The following ZDHHC21 variants were observed in gnomAD, a reference collection of about 807,000 sequenced individuals.
The protein encoded by ZDHHC21 is zDHHC palmitoyltransferase 21.
In ZDHHC21, 15 loss-of-function variants were observed where a neutral mutation model predicts 34.6. The ratio of observed to expected loss-of-function variants is 0.43; its 90% CI spans 0.29 to 0.67. ZDHHC21 has a LOEUF of 0.67. Among genes scored for constraint, ZDHHC21 ranks in the 30% least tolerant of loss-of-function variants. The pLI is 0.14. For synonymous variants in ZDHHC21, 142 were observed against 101.8 expected (o/e 1.40, Z -2.38); for missense variants, 344 against 327.7 (o/e 1.05, Z -0.38).
intron 8 of ZDHHC21, 26 bp from the exon 9 acceptor site, chr9:14,619,708 A>G (rs1227955211): frequency 1.6e-6 from 2 of 1,238,648 alleles, no homozygotes; most frequent in Admixed American, 4.9e-5. Flanking sequence ...AATTATATTC[A>G]GATGTAAGAA....
chr9:14,588,977 C>G, the ZDHHC21 span: 4 of 152,054 alleles, frequency 2.6e-5, no homozygotes, highest in East Asian at 7.7e-4. Flanking sequence ...CAAATTTATC[C>G]TATAGTAGTC....
At chr9:14,594,237 T>A in the ZDHHC21 span, 1 of 152,054 alleles carries the variant, frequency 6.6e-6, no homozygotes, top group East Asian at 1.9e-4. Flanking sequence ...CTAAAATTCA[T>A]ATGAAAATAC....
chr9:14,674,320 A>C lies in ZDHHC21; in HGVS notation c.21T>G (p.Phe7Leu), dbSNP rs770340809. Residue 7 changes from phenylalanine to leucine, a missense_variant, in exon 4 of 10, where the codon TTT (phenylalanine) becomes TTG (leucine). Coordinates refer to ENST00000380916, the MANE Select transcript of ZDHHC21 (RefSeq NM_178566.6). The stretch of plus-strand genomic sequence containing the variant: ...AGCACCAACCATGTGGGTCAACAAC[A>C]AAGTGAATCCGGAGACCCATTTTGC... MGLRIH[F>L]VVDPHGWCCM... The C allele has an allele frequency of 2.4e-5, 38 of 1,595,542 alleles. No individual in the cohort carries two copies. The highest frequency in any genetic ancestry group is 3.1e-5 in the Non-Finnish European group (36 of 1,172,942).
chr9:14,594,850 A>C, the ZDHHC21 span, among the ~76,000 whole-genome samples: 3 of 152,326 alleles, frequency 2.0e-5, no homozygotes, highest in East Asian at 5.8e-4. Context: ...ACAATTTAAT[A>C]AGTGGGCAAA....
chr9:14,628,060 A>G (rs1368102657), intron 8 of ZDHHC21, among the ~76,000 whole-genome samples: 16 of 152,214 alleles, frequency 1.1e-4, no homozygotes, highest in Admixed American at 1.0e-3. Context: ...ATTGTAGTAA[A>G]AACGCACAAA....
In ZDHHC21 at chr9:14,615,460, A is replaced by T. The variant is rs1422229400; in HGVS notation, c.*3506T>A. On this transcript the variant is annotated 3_prime_UTR_variant, in exon 10 of 10. Transcript: ENST00000380916. The stretch of plus-strand genomic sequence containing the variant: ...AAATAAACCATGCTTTTTTTCTGAA[A>T]AAGTTAATATGTTAACTACAATTTA... 6.6e-6 allele frequency: 1 copy of T among 151,762 alleles called. No homozygotes were observed. Among genetic ancestry groups the T allele is most frequent in the Admixed American group, 6.6e-5 (1 of 15,188 alleles). The allele number at this position is 151,762 out of a possible 1,614,324, so 9.4% of individuals were successfully genotyped here.
intron 7 of ZDHHC21, among the ~76,000 whole-genome samples, chr9:14,645,473 A>C (rs1187155832): frequency 6.6e-6 from 1 of 152,156 alleles, no homozygotes; most frequent in South Asian, 2.1e-4. Context: ...AGAAATGGGA[A>C]AGACAGAAAA....
intron 7 of ZDHHC21, among the ~76,000 whole-genome samples, chr9:14,656,922 TA>T (rs1489893672): frequency 6.6e-6 from 1 of 152,054 alleles, no homozygotes; most frequent in Non-Finnish European, 1.5e-5. Flanking sequence ...TTCTTCCTGA[TA>T]TTTTTAATCT....
At chr9:14,598,338 C>G in the ZDHHC21 span, among the ~76,000 whole-genome samples, 2 of 152,174 alleles carry the variant, frequency 1.3e-5, no homozygotes, top group African/African-American at 4.8e-5. Context: ...ACAGACACTA[C>G]TGATGCTGAT....
the ZDHHC21 span, among the ~76,000 whole-genome samples, chr9:14,603,922 TAAGAA>T: frequency 6.6e-6 from 1 of 152,308 alleles, no homozygotes; most frequent in African/African-American, 2.4e-5. Context: ...TGATTTGCCT[TAAGAA>T]AATATATCCT....
Position 14,618,004 on chromosome 9 carries a change from A to G in ZDHHC21, c.*962T>C, listed in dbSNP as rs1181795710. On this transcript the variant is annotated 3_prime_UTR_variant, in exon 10 of 10. Coordinates refer to ENST00000380916, the MANE Select transcript of ZDHHC21 (RefSeq NM_178566.6). ...CATCTACTAGTACATAAATAAAAGT[A>G]AAAAGTATACTCTTTTCAAAAGCAC... 6.6e-6 allele frequency: 1 copy of G among 152,472 alleles called. No homozygotes were observed. Among genetic ancestry groups the G allele is most frequent in the Non-Finnish European group, 1.5e-5 (1 of 67,968 alleles). The allele number at this position is 152,472 out of a possible 1,614,324, so 9.4% of individuals were successfully genotyped here. A position where few individuals can be genotyped will look rare whatever the true frequency, so the allele number is the denominator to read the frequency against.
chr9:14,665,320 C>T (rs537800301), intron 5 of ZDHHC21, among the ~76,000 whole-genome samples: 1 of 138,078 alleles, frequency 7.2e-6, no homozygotes, highest in Non-Finnish European at 1.6e-5. Context: ...AAGAAATGAG[C>T]AAAGCCTCCA....
intron 3 of ZDHHC21, among the ~76,000 whole-genome samples, chr9:14,676,720 T>C (rs967423085): frequency 9.9e-5 from 15 of 151,982 alleles, no homozygotes; most frequent in African/African-American, 3.1e-4. Context: ...AAGCATGCTA[T>C]TTAATTTGCT....
the ZDHHC21 span, among the ~76,000 whole-genome samples, chr9:14,600,193 A>C: frequency 7.2e-4 from 109 of 152,306 alleles, 1 homozygote; most frequent in African/African-American, 2.3e-3. Flanking sequence ...GGGTATTCAA[A>C]TAGGAAGAGA....
chr9:14,681,730 GGTGT>G lies in ZDHHC21; in HGVS notation c.-175-1572_-175-1569del, dbSNP rs34935934. 3.1e-3 allele frequency among the ~76,000 whole-genome samples: 466 copies of G among 148,498 alleles called. 8 individuals carry two copies. The South Asian group carries it at 0.035, about 11-fold the overall frequency. Reference sequence around the variant, plus strand: ...AAAAATGGTAACTTATAAGGGGAATGGTGTGTGTGTGTGTGTGTGTGTGTGTGTA... The same window carrying G: ...AAAAATGGTAACTTATAAGGGGAATGGTGTGTGTGTGTGTGTGTGTGTGTA... On this transcript the variant is annotated intron_variant, in intron 2 of 9. Transcript: ENST00000380916.
chr9:14,620,695 G>A (rs1222170603), intron 8 of ZDHHC21, among the ~76,000 whole-genome samples: 1 of 151,972 alleles, frequency 6.6e-6, no homozygotes, highest in Non-Finnish European at 1.5e-5. Flanking sequence ...CTTTAGAGAT[G>A]TTAATAGCTC....
At chr9:14,648,718 C>G (rs1188016327) in intron 7 of ZDHHC21, among the ~76,000 whole-genome samples, 2 of 151,942 alleles carry the variant, frequency 1.3e-5, no homozygotes, top group African/African-American at 4.8e-5. Flanking sequence ...GTTTTAGAGC[C>G]TAGACGAAGG....
chr9:14,608,581 GA>G (rs563048051), downstream of ZDHHC21, among the ~76,000 whole-genome samples: 297 of 151,964 alleles, frequency 2.0e-3, 1 homozygote, highest in African/African-American at 5.2e-3. Context: ...GGCCTAATTT[GA>G]AAATACTAGT....
At chr9:14,675,445 AT>A (rs1836204246) in intron 3 of ZDHHC21, among the ~76,000 whole-genome samples, 1 of 151,960 alleles carries the variant, frequency 6.6e-6, no homozygotes, top group South Asian at 2.1e-4. Context: ...CTACTGAATC[AT>A]AATTCTTCAT....
Sources: gnomAD v4.1 joint callset for allele counts (sites outside exome capture counted in the v4.1 genomes callset) on GRCh38, gnomAD v4.1.1 for gene constraint, MANE v1.5 for transcripts, NCBI Gene and HGNC (gene_info 2026-07-23, HGNC 2026-07-21) for gene names.